SENP7: variants seen among roughly 807,000 people sequenced by gnomAD.
SENP7 encodes SUMO specific peptidase 7.
A neutral mutation model predicts 141.2 loss-of-function variants in SENP7; 64 were observed. The ratio of observed to expected loss-of-function variants is 0.45; its 90% CI spans 0.37 to 0.56. The LOEUF is 0.56. SENP7 is among the 20% of genes least tolerant of loss of function. The pLI is 0.00. For missense variants in SENP7, 1,025 were observed against 1,212.2 expected, an observed-to-expected ratio of 0.85 and a Z score of 2.29; for synonymous variants, 382 against 426.4, an observed-to-expected ratio of 0.90 and a Z score of 1.28.
At chr3:101,463,408 T>C (rs1356532808) in intron 3 of SENP7, among the ~76,000 whole-genome samples, 1 of 119,912 alleles carries the variant, frequency 8.3e-6, no homozygotes, top group Non-Finnish European at 1.7e-5. Flanking sequence ...CATATATATA[T>C]ATATATATAC....
chr3:101,495,353 A>G (rs1486514603), intron 2 of SENP7, among the ~76,000 whole-genome samples: 1 of 152,200 alleles, frequency 6.6e-6, no homozygotes, highest in Non-Finnish European at 1.5e-5. Context: ...GATTCCTCAA[A>G]GACCTAGAGG....
At chr3:101,368,198 A>C (rs1399784409) in intron 7 of SENP7, among the ~76,000 whole-genome samples, 187 bp from the exon 8 acceptor site, 1 of 152,206 alleles carries the variant, frequency 6.6e-6, no homozygotes, top group Non-Finnish European at 1.5e-5. Flanking sequence ...TAATTGGTAT[A>C]TACCAAGTAA....
chr3:101,382,916 C>G (rs2107505140), intron 6 of SENP7, among the ~76,000 whole-genome samples: 1 of 152,248 alleles, frequency 6.6e-6, no homozygotes, highest in South Asian at 2.1e-4. Flanking sequence ...AAACAATTTA[C>G]AATACATATT....
chr3:101,358,936 T>G (rs555731951), intron 11 of SENP7: 1 of 152,650 alleles, frequency 6.6e-6, no homozygotes, highest in African/African-American at 2.4e-5. Flanking sequence ...TGCCTAGTCA[T>G]AAGTTCTCAA....
chr3:101,403,113 C>T (rs2061198323), intron 5 of SENP7, among the ~76,000 whole-genome samples: 1 of 152,102 alleles, frequency 6.6e-6, no homozygotes. Context: ...CAAAAGTATA[C>T]GCATATACTT....
chr3:101,459,145 AC>A (rs2063465085), intron 3 of SENP7, 93 bp from the exon 4 acceptor site: 2 of 639,142 alleles, frequency 3.1e-6, no homozygotes, highest in Admixed American at 5.4e-5. Flanking sequence ...TTTGTTATAA[AC>A]GATCAAATAC....
At position 101,499,857 on chromosome 3, in the gene SENP7, C is replaced by T. The variant is rs1344998281; in HGVS notation, c.90+1213G>A. Among the ~76,000 whole-genome samples, 3 of 151,904 alleles carry T rather than the reference C, an allele frequency of 2.0e-5. No homozygotes were observed. The East Asian group carries it at 5.8e-4, about 29-fold the overall frequency. On this transcript the variant is annotated intron_variant, in intron 2 of 23. Coordinates refer to ENST00000394095, the MANE Select transcript of SENP7 (RefSeq NM_020654.5). ...GCCAATTTTTGTATTTTTGTAGAGA[C>T]GGGGTTTCACCATGTTGGCCAGGCT...
At chr3:101,388,070 T>A (rs1412102907) in intron 6 of SENP7, among the ~76,000 whole-genome samples, 1 of 152,046 alleles carries the variant, frequency 6.6e-6, no homozygotes, top group Non-Finnish European at 1.5e-5. Context: ...GCTTAAGGAA[T>A]AAGGATTGAC....
chr3:101,465,579 T>C (rs1438817090), intron 3 of SENP7, among the ~76,000 whole-genome samples: 1 of 152,218 alleles, frequency 6.6e-6, no homozygotes, highest in Non-Finnish European at 1.5e-5. Flanking sequence ...AAAGATTACA[T>C]GACTGTGTCT....
intron 5 of SENP7, among the ~76,000 whole-genome samples, chr3:101,403,781 G>A (rs2107599994): frequency 6.6e-6 from 1 of 152,142 alleles, no homozygotes; most frequent in East Asian, 1.9e-4. Flanking sequence ...ACCAACAACA[G>A]CCAAGTGGAG....
chr3:101,413,685 T>C (rs779564474), intron 5 of SENP7, among the ~76,000 whole-genome samples: 4 of 147,864 alleles, frequency 2.7e-5, no homozygotes, highest in Non-Finnish European at 4.5e-5. Flanking sequence ...AGGGATCATA[T>C]ATAGATTTGG....
At chr3:101,334,773 G>A (rs769112273) in intron 17 of SENP7, among the ~76,000 whole-genome samples, 19 of 152,102 alleles carry the variant, frequency 1.2e-4, no homozygotes, top group Non-Finnish European at 2.4e-4. Context: ...GTATTTGGTC[G>A]ATTTCCTGAT....
At chr3:101,456,359 C>T (rs1254437034) in intron 4 of SENP7, among the ~76,000 whole-genome samples, 2 of 152,090 alleles carry the variant, frequency 1.3e-5, no homozygotes, top group Admixed American at 6.5e-5. Flanking sequence ...GTCAGGATCA[C>T]GTCAACCACA....
intron 23 of SENP7, 32 bp downstream of exon 23, chr3:101,327,634 T>G: frequency 1.3e-6 from 2 of 1,551,448 alleles, no homozygotes; most frequent in Non-Finnish European, 1.7e-6. Flanking sequence ...GTGGTAACTG[T>G]GAATTAAAAA....
intron 4 of SENP7, among the ~76,000 whole-genome samples, chr3:101,442,829 G>C (rs1463364726): frequency 6.6e-6 from 1 of 150,630 alleles, no homozygotes; most frequent in Non-Finnish European, 1.5e-5. Flanking sequence ...CATTTCTTTT[G>C]AAATGAACCA....
chr3:101,348,334 A>G (rs1480334396), intron 12 of SENP7, among the ~76,000 whole-genome samples: 1 of 152,204 alleles, frequency 6.6e-6, no homozygotes, highest in African/African-American at 2.4e-5. Context: ...GATTTCAGTT[A>G]TAACCAGAGA....
intron 4 of SENP7, among the ~76,000 whole-genome samples, chr3:101,427,452 T>C (rs1382618399): frequency 1.4e-5 from 2 of 140,094 alleles, no homozygotes; most frequent in African/African-American, 5.3e-5. Flanking sequence ...ATAGCACCAC[T>C]GAACTCCAGG....
intron 14 of SENP7, among the ~76,000 whole-genome samples, chr3:101,343,056 T>C (rs994827898): frequency 2.0e-5 from 3 of 152,178 alleles, no homozygotes; most frequent in Non-Finnish European, 4.4e-5. Flanking sequence ...TACATATTAC[T>C]GGAAAGAACA....
intron 11 of SENP7, among the ~76,000 whole-genome samples, chr3:101,351,896 T>C (rs1559704885): frequency 2.0e-5 from 3 of 151,936 alleles, no homozygotes; most frequent in Non-Finnish European, 4.4e-5. Context: ...CTAATAAATA[T>C]ATTTTTCAAA....
Sources: gnomAD v4.1 joint callset for allele counts (sites outside exome capture counted in the v4.1 genomes callset) on GRCh38, gnomAD v4.1.1 for gene constraint, MANE v1.5 for transcripts, NCBI Gene and HGNC (gene_info 2026-07-23, HGNC 2026-07-21) for gene names.